Variants in CDH13 observed in about 807,000 individuals in gnomAD.
CDH13 encodes the protein cadherin 13.
A neutral mutation model predicts 63.8 loss-of-function variants in CDH13; 24 were observed. That is an observed-to-expected ratio of 0.38 (90% CI 0.27 to 0.53). The LOEUF is 0.53. CDH13 is among the 20% of genes least tolerant of loss of function. The pLI is 0.85. For missense variants in CDH13, 1,049 were observed against 903.1 expected, an observed-to-expected ratio of 1.16 and a Z score of -2.07; for synonymous variants, 503 against 355.3, an observed-to-expected ratio of 1.42 and a Z score of -4.67.
intron 2 of CDH13, among the ~76,000 whole-genome samples, chr16:83,023,303 C>CCA (rs1179939791): frequency 6.6e-6 from 1 of 152,060 alleles, no homozygotes; most frequent in Non-Finnish European, 1.5e-5. Flanking sequence ...TTTCACTACC[C>CCA]CCCGACTCCA....
chr16:83,575,073 C>A (rs1018440698), intron 7 of CDH13, among the ~76,000 whole-genome samples: 1 of 152,102 alleles, frequency 6.6e-6, no homozygotes, highest in South Asian at 2.1e-4. Flanking sequence ...TAAAAATGAA[C>A]GAAGCACTGT....
intron 5 of CDH13, among the ~76,000 whole-genome samples, chr16:83,271,422 T>TAAAAAAAAA (rs56382330): frequency 0.075 from 1,934 of 25,926 alleles, 588 homozygotes; most frequent in Non-Finnish European, 0.11. Context: ...GCAGAGTTCA[T>TAAAAAAAAA]AAAAAAAAAA....
intron 6 of CDH13, among the ~76,000 whole-genome samples, chr16:83,389,475 A>G (rs1386622224): frequency 2.0e-5 from 3 of 152,258 alleles, no homozygotes; most frequent in East Asian, 1.9e-4. Flanking sequence ...CTAGGAGCCA[A>G]TCCAGATGGA....
chr16:83,175,577 C>G (rs1423731750), intron 4 of CDH13, among the ~76,000 whole-genome samples: 1 of 152,070 alleles, frequency 6.6e-6, no homozygotes, highest in African/African-American at 2.4e-5. Flanking sequence ...ACTGAACAAA[C>G]CCCTGTGTTG....
chr16:83,180,414 A>C (rs1404270615), intron 4 of CDH13, among the ~76,000 whole-genome samples: 1 of 152,194 alleles, frequency 6.6e-6, no homozygotes, highest in Non-Finnish European at 1.5e-5. Flanking sequence ...GGATTATCAT[A>C]ATCTATGTTT....
chr16:82,795,828 A>C (rs2036554237), intron 1 of CDH13, among the ~76,000 whole-genome samples: 1 of 152,142 alleles, frequency 6.6e-6, no homozygotes, highest in Non-Finnish European at 1.5e-5. Context: ...TGCCAGGCTC[A>C]GTCTGGAAAA....
intron 3 of CDH13, among the ~76,000 whole-genome samples, chr16:83,045,634 T>TAAAAAAAAAAAAAAAAAAAAAAAAAAAA (rs71382861): frequency 9.3e-6 from 1 of 107,916 alleles, no homozygotes; most frequent in African/African-American, 3.7e-5. Context: ...AAGATTCCTT[T>TAAAAAAAAAAAAAAAAAAAAAAAAAAAA]AAAAAAAAAA....
At chr16:83,285,838 A>C (rs1332311302) in intron 5 of CDH13, among the ~76,000 whole-genome samples, 1 of 152,188 alleles carries the variant, frequency 6.6e-6, no homozygotes, top group Non-Finnish European at 1.5e-5. Context: ...ATTAAAATGC[A>C]TAACGAATTA....
chr16:83,513,644 CG>C (rs1300146400), intron 7 of CDH13, among the ~76,000 whole-genome samples: 1 of 152,074 alleles, frequency 6.6e-6, no homozygotes, highest in Non-Finnish European at 1.5e-5. Context: ...CTTATAAAAC[CG>C]TGAGATCTCT....
At chr16:82,756,257 A>G (rs1374265381) in intron 1 of CDH13, among the ~76,000 whole-genome samples, 2 of 152,178 alleles carry the variant, frequency 1.3e-5, no homozygotes, top group Non-Finnish European at 2.9e-5. Flanking sequence ...AAATTTGGGG[A>G]AAGAGGAAAA....
chr16:83,269,964 C>T (rs906401566), intron 5 of CDH13, among the ~76,000 whole-genome samples: 6 of 152,126 alleles, frequency 3.9e-5, no homozygotes, highest in African/African-American at 9.7e-5. Context: ...TGAAATGGTT[C>T]TATTATTTTG....
intron 9 of CDH13, among the ~76,000 whole-genome samples, chr16:83,676,325 G>C (rs928420564): frequency 1.3e-5 from 2 of 152,176 alleles, no homozygotes; most frequent in African/African-American, 4.8e-5. Context: ...GTGTGGGGTG[G>C]AAATGGCCCT....
intron 1 of CDH13, among the ~76,000 whole-genome samples, chr16:82,799,749 G>A (rs937820334): frequency 6.6e-6 from 1 of 152,104 alleles, no homozygotes; most frequent in African/African-American, 2.4e-5. Flanking sequence ...TGTGCTTTTG[G>A]GAAAAGTGCC....
At chr16:82,959,083 A>G (rs1906563545) in intron 2 of CDH13, among the ~76,000 whole-genome samples, 1 of 152,208 alleles carries the variant, frequency 6.6e-6, no homozygotes, top group African/African-American at 2.4e-5. Flanking sequence ...TGTAACCAAT[A>G]CCTGACATTT....
intron 1 of CDH13, among the ~76,000 whole-genome samples, chr16:82,763,363 C>T (rs2034927254): frequency 6.6e-6 from 1 of 152,192 alleles, no homozygotes; most frequent in African/African-American, 2.4e-5. Context: ...TCCACCTCCT[C>T]CTCTGGAATA....
At chr16:83,779,910 T>C (rs1285737094) in intron 11 of CDH13, 58 bp from the exon 12 acceptor site, 1 of 1,137,966 alleles carries the variant, frequency 8.8e-7, no homozygotes. Context: ...AAAAGTGCTA[T>C]GGTAAATTGC....
At chr16:83,370,280 C>T (rs1372810488) in intron 6 of CDH13, among the ~76,000 whole-genome samples, 3 of 150,176 alleles carry the variant, frequency 2.0e-5, no homozygotes, top group Admixed American at 6.6e-5. Flanking sequence ...CGCAGCTACT[C>T]GGGAGGCTGA....
At chr16:83,702,470 G>C (rs1453615694) in intron 10 of CDH13, among the ~76,000 whole-genome samples, 3 of 152,184 alleles carry the variant, frequency 2.0e-5, no homozygotes, top group East Asian at 3.8e-4. Context: ...GGAAGGGAAA[G>C]AGAGAGCAAG....
At chr16:83,603,301 C>A (rs1249830516) in intron 8 of CDH13, among the ~76,000 whole-genome samples, 2 of 152,246 alleles carry the variant, frequency 1.3e-5, no homozygotes, top group Non-Finnish European at 2.9e-5. Flanking sequence ...TGATGCCCTT[C>A]TTACTGACCA....
Sources: gnomAD v4.1 joint callset for allele counts (sites outside exome capture counted in the v4.1 genomes callset) on GRCh38, gnomAD v4.1.1 for gene constraint, MANE v1.5 for transcripts, NCBI Gene and HGNC (gene_info 2026-07-23, HGNC 2026-07-21) for gene names.